The following SRGAP3 variants were observed in gnomAD, a reference collection of about 807,000 sequenced individuals.
SRGAP3 encodes SLIT-ROBO Rho GTPase activating protein 3.
In SRGAP3, 39 loss-of-function variants were observed where a neutral mutation model predicts 121.1. The ratio of observed to expected loss-of-function variants is 0.32; its 90% CI spans 0.25 to 0.42. The LOEUF (loss-of-function observed/expected upper bound fraction) is 0.42. SRGAP3 is among the 10% of genes least tolerant of loss of function. The pLI is 1.00. For synonymous variants in SRGAP3, 601 were observed against 570.0 expected, an observed-to-expected ratio of 1.05 and a Z score of -0.77; for missense variants, 1,213 against 1,470.6, an observed-to-expected ratio of 0.82 and a Z score of 2.86.
At chr3:9,124,358 C>A (rs1193482494) in intron 2 of SRGAP3, among the ~76,000 whole-genome samples, 1 of 152,192 alleles carries the variant, frequency 6.6e-6, no homozygotes, top group East Asian at 1.9e-4. Context: ...TGGATCGGGA[C>A]AGGATGTCCT....
Position 9,003,003 on chromosome 3 carries a change from T to A in SRGAP3, c.2227+7305A>T, listed in dbSNP as rs139417339. On this transcript the variant is annotated intron_variant, in intron 18 of 21. Transcript: ENST00000383836. ...CTACATTGTTGAATTCTACCAAACATTTAAAAAAGAATTAGTAATAATTCC... is the reference window on the plus strand; with the variant it reads ...CTACATTGTTGAATTCTACCAAACAATTAAAAAAGAATTAGTAATAATTCC... Among the ~76,000 whole-genome samples the A allele has an allele frequency of 1.4e-3, 207 of 152,246 alleles. 1 individual carries two copies. Among genetic ancestry groups the A allele is most frequent in the African/African-American group, 4.8e-3 (199 of 41,546 alleles).
chr3:9,061,842 C>T lies in SRGAP3; in HGVS notation c.673-1483G>A, dbSNP rs538020155. On this transcript the variant is annotated intron_variant, in intron 5 of 21. Transcript: ENST00000383836. ...GGGAGCTGCTCCTGGCTAAGCCAGC[C>T]TGGGAATGGAGCAGGAAAGAGGAAG... is the stretch of plus-strand genomic sequence containing the variant. Among the ~76,000 whole-genome samples the T allele has an allele frequency of 5.3e-5, 8 of 152,286 alleles. No homozygotes were observed. The South Asian group carries it at 6.2e-4, about 12-fold the overall frequency.
intron 1 of SRGAP3, among the ~76,000 whole-genome samples, chr3:9,361,490 A>G (rs564741152): frequency 7.9e-5 from 12 of 152,262 alleles, no homozygotes; most frequent in South Asian, 2.1e-4. Context: ...TCCTTTCACA[A>G]TAAGTTAACT....
intron 3 of SRGAP3, among the ~76,000 whole-genome samples, chr3:9,080,801 G>T (rs889406669): frequency 2.6e-5 from 4 of 152,122 alleles, no homozygotes; most frequent in Non-Finnish European, 5.9e-5. Flanking sequence ...ATCTAATGCA[G>T]GATGATCTGT....
At chr3:9,092,034 T>C (rs1947779174) in intron 3 of SRGAP3, among the ~76,000 whole-genome samples, 1 of 152,128 alleles carries the variant, frequency 6.6e-6, no homozygotes, top group African/African-American at 2.4e-5. Context: ...CACCTGGACG[T>C]TCTTGGCAGT....
At chr3:9,302,164 A>G (rs1051977669) in intron 3 of SRGAP3, among the ~76,000 whole-genome samples, 1 of 152,138 alleles carries the variant, frequency 6.6e-6, no homozygotes. Context: ...TGGGAAACTT[A>G]GTGAGCCCCC....
chr3:9,288,574 C>T (rs888559098), intron 3 of SRGAP3, among the ~76,000 whole-genome samples: 2 of 146,530 alleles, frequency 1.4e-5, no homozygotes, highest in Non-Finnish European at 3.0e-5. Context: ...ATAAAATTCA[C>T]TTTGTCTTTT....
At chr3:9,139,963 A>G (rs1949792152) in intron 1 of SRGAP3, among the ~76,000 whole-genome samples, 1 of 152,158 alleles carries the variant, frequency 6.6e-6, no homozygotes, top group Non-Finnish European at 1.5e-5. Flanking sequence ...ATCACCTACT[A>G]TGTCTGTGTT....
intron 1 of SRGAP3, among the ~76,000 whole-genome samples, chr3:9,360,748 T>C (rs1020431661): frequency 7.2e-5 from 11 of 152,176 alleles, no homozygotes; most frequent in Non-Finnish European, 1.5e-4. Flanking sequence ...AAGAACAGTA[T>C]GCAGGGAATC....
intron 4 of SRGAP3, among the ~76,000 whole-genome samples, chr3:9,072,946 A>T (rs1946789266): frequency 6.6e-6 from 1 of 152,170 alleles, no homozygotes; most frequent in East Asian, 1.9e-4. Context: ...CATCAGGAGG[A>T]AAAAACAGTC....
chr3:9,157,765 G>A (rs1156693475), intron 1 of SRGAP3, among the ~76,000 whole-genome samples: 2 of 152,172 alleles, frequency 1.3e-5, no homozygotes, highest in Non-Finnish European at 2.9e-5. Context: ...CTAAACAGTT[G>A]AGGACAACTT....
chr3:9,025,668 T>C (rs973714107), intron 13 of SRGAP3, among the ~76,000 whole-genome samples: 3 of 152,246 alleles, frequency 2.0e-5, no homozygotes, highest in African/African-American at 7.2e-5. Flanking sequence ...GAGTATATTC[T>C]GGCTGGGACT....
At chr3:9,226,819 C>T (rs150798070) in intron 1 of SRGAP3, among the ~76,000 whole-genome samples, 1 of 152,344 alleles carries the variant, frequency 6.6e-6, no homozygotes, top group Non-Finnish European at 1.5e-5. Context: ...GACCCCATCT[C>T]TGCCCCTCAA....
At chr3:9,132,405 C>T in intron 1 of SRGAP3, among the ~76,000 whole-genome samples, 1 of 152,178 alleles carries the variant, frequency 6.6e-6, no homozygotes, top group East Asian at 1.9e-4. Context: ...ACCTATTTCG[C>T]CCCTTATTCT....
At chr3:8,997,437 A>C (rs1942473064) in intron 18 of SRGAP3, among the ~76,000 whole-genome samples, 1 of 152,140 alleles carries the variant, frequency 6.6e-6, no homozygotes, top group Admixed American at 6.5e-5. Context: ...AGGGTCCTTT[A>C]CAATCATACA....
upstream of SRGAP3, among the ~76,000 whole-genome samples, chr3:9,249,979 G>A (rs1025461122): frequency 5.9e-5 from 9 of 152,192 alleles, no homozygotes; most frequent in African/African-American, 1.9e-4. Flanking sequence ...TACTGGGATA[G>A]TCTAGCAGAG....
chr3:9,146,197 C>T (rs958891772), intron 1 of SRGAP3, among the ~76,000 whole-genome samples: 1 of 152,206 alleles, frequency 6.6e-6, no homozygotes, highest in Non-Finnish European at 1.5e-5. Flanking sequence ...AGGTATTCCA[C>T]GTGTTGACTG....
chr3:9,284,814 T>C (rs868216804), intron 3 of SRGAP3, among the ~76,000 whole-genome samples: 74 of 119,176 alleles, frequency 6.2e-4, no homozygotes, highest in African/African-American at 2.2e-3. Flanking sequence ...GCCTGGGCAA[T>C]AGAATGAGAG....
chr3:9,010,423 G>C, intron 17 of SRGAP3, 36 bp from the exon 18 acceptor site: 1 of 1,612,872 alleles, frequency 6.2e-7, no homozygotes, highest in East Asian at 2.2e-5. Flanking sequence ...TCACTGCGGG[G>C]GGTTATCTAC....
Sources: allele counts gnomAD v4.1 joint callset (sites outside exome capture counted in the v4.1 genomes callset), GRCh38; gene constraint gnomAD v4.1.1; transcripts MANE v1.5; gene names NCBI Gene and HGNC (gene_info 2026-07-23, HGNC 2026-07-21).